The following SH2D4B variants were observed in gnomAD, a reference collection of about 807,000 sequenced individuals.
SH2D4B encodes the protein SH2 domain-containing protein 4B.
Under a neutral mutation model 61.5 loss-of-function variants are expected in SH2D4B, and 45 were observed. The observed-to-expected ratio is 0.73, with a 90% CI of 0.58 to 0.94. The LOEUF (loss-of-function observed/expected upper bound fraction) is 0.94, where lower values mean the gene tolerates loss of function less well. SH2D4B is among the 40% of genes least tolerant of loss of function. The pLI is 0.00. For missense variants in SH2D4B, 572 were observed against 574.2 expected (o/e 1.00, Z 0.04); for synonymous variants, 224 against 220.4 (o/e 1.02, Z -0.14).
intron 1 of SH2D4B, among the ~76,000 whole-genome samples, chr10:80,568,278 T>C (rs1841996328): frequency 6.6e-6 from 1 of 152,106 alleles, no homozygotes; most frequent in Admixed American, 6.5e-5. Flanking sequence ...GGCAGGGAGC[T>C]GGAGGAGGCT....
chr10:80,626,815 A>G (rs1048356100), intron 6 of SH2D4B, among the ~76,000 whole-genome samples: 3 of 152,170 alleles, frequency 2.0e-5, no homozygotes, highest in Admixed American at 6.5e-5. Context: ...AGCATTTACC[A>G]TCCTTTGCAT....
At position 80,634,529 on chromosome 10, in the gene SH2D4B, G is replaced by C. The variant is rs550381388; in HGVS notation, c.1209+24G>C. On this transcript the variant is annotated intron_variant, in intron 7 of 7. Transcript: ENST00000646907. ...AGGTATCCCTCACAGGGATACTAATGGGGGGGAGGGGGAACTGGTGGAAAT... is the reference window on the plus strand; with the variant it reads ...AGGTATCCCTCACAGGGATACTAATCGGGGGGAGGGGGAACTGGTGGAAAT... The C allele has an allele frequency of 8.0e-5, 124 of 1,543,524 alleles. No individual in the cohort carries two copies. In the African/African-American group the frequency reaches 1.1e-3, roughly 14 times the overall value.
intron 1 of SH2D4B, chr10:80,540,730 T>C: frequency 8.6e-7 from 1 of 1,162,332 alleles, no homozygotes; most frequent in East Asian, 2.6e-5. Flanking sequence ...CTGATTTCAG[T>C]GAATGGGGCA....
chr10:80,606,493 C>T (rs1209190729), intron 5 of SH2D4B, among the ~76,000 whole-genome samples: 3 of 151,932 alleles, frequency 2.0e-5, no homozygotes, highest in African/African-American at 4.8e-5. Context: ...ATTACAGGCG[C>T]GCGCCAGTAC....
At chr10:80,582,817 A>G (rs1381487985) in intron 3 of SH2D4B, among the ~76,000 whole-genome samples, 1 of 152,218 alleles carries the variant, frequency 6.6e-6, no homozygotes, top group Non-Finnish European at 1.5e-5. Flanking sequence ...TGCTGCAGGC[A>G]GTCCTGCTTG....
At position 80,630,306 on chromosome 10, in the gene SH2D4B, A is replaced by T. The variant is rs144138708; in HGVS notation, c.989-3979A>T. Among the ~76,000 whole-genome samples the T allele has an allele frequency of 2.1e-3, 316 of 152,244 alleles. 1 individual carries two copies. The highest frequency in any genetic ancestry group is 3.0e-3 in the Non-Finnish European group (204 of 68,008). On this transcript the variant is annotated intron_variant, in intron 6 of 7. Coordinates refer to ENST00000646907, the MANE Select transcript of SH2D4B (RefSeq NM_001388272.1). The stretch of plus-strand genomic sequence containing the variant: ...TAGGGAGAACATGACCCCATGGAGG[A>T]TCCTGAAGGGCATGATGCTGCTCCC...
At chr10:80,559,119 A>G (rs889821191) in intron 1 of SH2D4B, among the ~76,000 whole-genome samples, 18 of 151,948 alleles carry the variant, frequency 1.2e-4, no homozygotes, top group African/African-American at 4.3e-4. Context: ...TACATTTTCC[A>G]AAAAACAAAT....
intron 3 of SH2D4B, among the ~76,000 whole-genome samples, chr10:80,579,176 G>C (rs1478840309): frequency 6.6e-6 from 1 of 152,072 alleles, no homozygotes; most frequent in Non-Finnish European, 1.5e-5. Flanking sequence ...ACTTTCTGCA[G>C]CTCATGTTGA....
At position 80,572,781 on chromosome 10, in the gene SH2D4B, G is replaced by A. The variant is rs374739308; in HGVS notation, c.495+1203G>A. On this transcript the variant is annotated intron_variant, in intron 3 of 7. Transcript: ENST00000646907. ...AGTACAGGCGTGCATCACCATGCCCGGCTAATTTTTGTATTTTTAGTAGAG... is the reference window on the plus strand; with the variant it reads ...AGTACAGGCGTGCATCACCATGCCCAGCTAATTTTTGTATTTTTAGTAGAG... Among the ~76,000 whole-genome samples, 64 of 150,208 alleles carry A rather than the reference G, an allele frequency of 4.3e-4. No homozygotes were observed. The East Asian group carries it at 4.3e-3, about 10-fold the overall frequency.
chr10:80,631,249 A>G (rs939974850), intron 6 of SH2D4B, among the ~76,000 whole-genome samples: 2 of 152,200 alleles, frequency 1.3e-5, no homozygotes, highest in Non-Finnish European at 2.9e-5. Flanking sequence ...GTGTTTGTTT[A>G]TTTATTAATG....
chr10:80,562,367 A>G (rs1242157686), intron 1 of SH2D4B, among the ~76,000 whole-genome samples: 3 of 152,216 alleles, frequency 2.0e-5, no homozygotes, highest in Non-Finnish European at 4.4e-5. Context: ...GTTTTTTCTC[A>G]TGAACGTTTT....
rs529523055 is a variant in SH2D4B, at chr10:80,605,195, A to T, written c.860+1400A>T. Among the ~76,000 whole-genome samples the T allele has an allele frequency of 5.3e-5, 8 of 151,396 alleles. No homozygotes were observed. The East Asian group carries it at 1.6e-3, about 29-fold the overall frequency. ...TTTTTTGTGGAAAAGTTTGCATTTT[A>T]TGCATGGGGTTCTGCACTTTGATTG... On this transcript the variant is annotated intron_variant, in intron 5 of 7. Transcript: ENST00000646907.
chr10:80,557,562 T>A (rs2168719), intron 1 of SH2D4B, among the ~76,000 whole-genome samples: 49,566 of 151,950 alleles, frequency 0.33, 9,510 homozygotes, highest in African/African-American at 0.53. Context: ...TCAAGGTGTA[T>A]GTTTCTTCTT....
In SH2D4B at chr10:80,603,695, T is replaced by C. The variant is rs757699807; in HGVS notation, c.760T>C (p.Ser254Pro). The C allele has an allele frequency of 2.5e-6, 4 of 1,613,172 alleles. 1 individual carries two copies. The South Asian group carries it at 4.4e-5, about 18-fold the overall frequency. Residue 254 changes from serine to proline, a missense_variant, in exon 5 of 8, where the codon TCC becomes CCC. By Grantham distance (74) the Ser-to-Pro change is moderately conservative (BLOSUM62 -1). Coordinates refer to ENST00000646907, the MANE Select transcript of SH2D4B (RefSeq NM_001388272.1). ...GAAGGGCACGGTCGCTGGCCTCAGC[T>C]CCATGTTCCGGGAGCTTGGCCAGAG... ...IQKGTVAGLS[S>P]MFRELGQSHE...
intron 2 of SH2D4B, 29 bp downstream of exon 2, chr10:80,570,345 G>A (rs370892146): frequency 1.9e-4 from 305 of 1,609,228 alleles, no homozygotes; most frequent in Non-Finnish European, 2.5e-4. Context: ...TGTTGGGTGG[G>A]GCCTAGGCAT....
intron 6 of SH2D4B, among the ~76,000 whole-genome samples, chr10:80,611,580 A>G (rs1842601133): frequency 6.6e-6 from 1 of 152,070 alleles, no homozygotes; most frequent in Non-Finnish European, 1.5e-5. Flanking sequence ...ACTTCCATTT[A>G]AGTCACCACT....
At chr10:80,619,647 A>G (rs12220111) in intron 6 of SH2D4B, among the ~76,000 whole-genome samples, 35,130 of 152,242 alleles carry the variant, frequency 0.23, 4,723 homozygotes, top group African/African-American at 0.36. Context: ...CCTATCATCC[A>G]TTGTCCTCCT....
At chr10:80,617,558 G>A (rs2132150267) in intron 6 of SH2D4B, among the ~76,000 whole-genome samples, 1 of 152,202 alleles carries the variant, frequency 6.6e-6, no homozygotes, top group East Asian at 1.9e-4. Flanking sequence ...AGTACAGGGT[G>A]TGTGGTGATG....
chr10:80,608,603 G>T (rs937809446), intron 5 of SH2D4B, among the ~76,000 whole-genome samples: 8 of 152,068 alleles, frequency 5.3e-5, no homozygotes. Flanking sequence ...AGACACGAAA[G>T]CAATGACGAG....
Sources: allele counts gnomAD v4.1 joint callset (sites outside exome capture counted in the v4.1 genomes callset), GRCh38; gene constraint gnomAD v4.1.1; transcripts MANE v1.5; gene names NCBI Gene and HGNC (gene_info 2026-07-23, HGNC 2026-07-21).